RASSF4: variants seen among roughly 807,000 people sequenced by gnomAD.
The protein encoded by RASSF4 is Ras association domain family member 4, also known as ras association domain-containing protein 4.
In RASSF4, 38 loss-of-function variants were observed where a neutral mutation model predicts 41.1. The observed-to-expected ratio is 0.92, with a 90% CI of 0.71 to 1.21. RASSF4 has a LOEUF of 1.21. RASSF4 is among the 50% of genes most tolerant of loss of function. The pLI, the probability that RASSF4 is intolerant of heterozygous loss-of-function variation, is 0.00. For synonymous variants in RASSF4, 179 were observed against 163.4 expected, an observed-to-expected ratio of 1.10 and a Z score of -0.73; for missense variants, 414 against 419.4, an observed-to-expected ratio of 0.99 and a Z score of 0.11.
Position 44,982,633 on chromosome 10 carries a change from C to T in RASSF4, c.251C>T (p.Ser84Leu). ...DREQVHLPST[S>L]WMPRRPSCPL... is the part of the protein sequence containing the mutation. ...GAGCAGGTGCACCTCCCCTCCACCT[C>T]ATGGATGCCCAGACGGCCTAGCTGC... Residue 84 changes from serine (S) to leucine (L), a missense_variant, in exon 4 of 11, where the codon TCA becomes TTA. Physicochemically the swap from Ser to Leu is moderately radical, Grantham distance 145. Transcript: ENST00000340258. 1 of 1,613,450 alleles carries T rather than the reference C, an allele frequency of 6.2e-7. No individual in the cohort carries two copies. The highest frequency in any genetic ancestry group is 8.5e-7 in the Non-Finnish European group (1 of 1,179,604).
intron 3 of RASSF4, among the ~76,000 whole-genome samples, chr10:44,972,354 G>A (rs575516196): frequency 2.0e-5 from 3 of 152,332 alleles, no homozygotes; most frequent in African/African-American, 4.8e-5. Flanking sequence ...AGCAGGCAGC[G>A]CAGGTGTGGG....
At chr10:44,965,191 C>T (rs995711742) in intron 1 of RASSF4, among the ~76,000 whole-genome samples, 2 of 152,176 alleles carry the variant, frequency 1.3e-5, no homozygotes, top group African/African-American at 4.8e-5. Context: ...ACTTATATAC[C>T]ATTTTGAGGT....
intron 3 of RASSF4, chr10:44,977,354 C>G: frequency 1.3e-6 from 2 of 1,518,534 alleles, no homozygotes; most frequent in Non-Finnish European, 8.8e-7. Flanking sequence ...AGATGCAGAC[C>G]CAGCATGCTC....
chr10:44,972,709 C>T (rs1366006798), intron 3 of RASSF4, among the ~76,000 whole-genome samples: 2 of 152,218 alleles, frequency 1.3e-5, no homozygotes, highest in Non-Finnish European at 2.9e-5. Flanking sequence ...TGGTCTAATT[C>T]AACATATTTG....
rs1344135260 is a variant in RASSF4, at chr10:44,985,534, C to G, written c.531+564C>G. 2.6e-5 allele frequency among the ~76,000 whole-genome samples: 4 copies of G among 152,258 alleles called. No homozygotes were observed. In the East Asian group the frequency reaches 7.7e-4, roughly 29 times the overall value. ...TACTGTAAATAGAATGATTGGCTGTCTGGGCAAGGCCCTGGATGGAGCGTC... is the reference window on the plus strand; with the variant it reads ...TACTGTAAATAGAATGATTGGCTGTGTGGGCAAGGCCCTGGATGGAGCGTC... On this transcript the variant is annotated intron_variant, in intron 6 of 10. Coordinates refer to ENST00000340258, the MANE Select transcript of RASSF4 (RefSeq NM_032023.4).
intron 10 of RASSF4, among the ~76,000 whole-genome samples, 165 bp downstream of exon 10, chr10:44,992,167 T>A (rs912815713): frequency 1.3e-5 from 2 of 152,214 alleles, no homozygotes; most frequent in Non-Finnish European, 2.9e-5. Flanking sequence ...TCTGGCCCCC[T>A]GCTCGGTATT....
intron 1 of RASSF4, among the ~76,000 whole-genome samples, chr10:44,969,308 G>T (rs753053971): frequency 6.6e-6 from 1 of 152,050 alleles, no homozygotes; most frequent in Non-Finnish European, 1.5e-5. Flanking sequence ...GGGCAGGAGC[G>T]GCTCCTCAAA....
chr10:44,976,009 TC>T (rs1201943456), intron 3 of RASSF4: 1 of 152,126 alleles, frequency 6.6e-6, no homozygotes, highest in Non-Finnish European at 1.5e-5. Flanking sequence ...GGGTGGGCCC[TC>T]TGGATCTCTC....
At chr10:44,977,530 C>T (rs1841490819) in intron 3 of RASSF4, 9 of 1,613,490 alleles carry the variant, frequency 5.6e-6, no homozygotes, top group Non-Finnish European at 7.6e-6. Context: ...GCTGCCCATC[C>T]TGCGGTGGTC....
chr10:44,978,044 G>A (rs768824459), intron 3 of RASSF4: 1 of 1,596,276 alleles, frequency 6.3e-7, no homozygotes, highest in Admixed American at 1.9e-5. Context: ...TCTGGCGAGA[G>A]GAGGTGGCAA....
At chr10:44,977,808 T>G in intron 3 of RASSF4, 1 of 1,601,280 alleles carries the variant, frequency 6.2e-7, no homozygotes, top group African/African-American at 1.3e-5. Context: ...GGGCGGCCCT[T>G]CCGGCAGGCC....
chr10:44,993,028 G>T (rs1564470439), intron 10 of RASSF4, among the ~76,000 whole-genome samples: 1 of 152,176 alleles, frequency 6.6e-6, no homozygotes, highest in Non-Finnish European at 1.5e-5. Flanking sequence ...GTGTGCTGTT[G>T]TCTGTATTAG....
chr10:44,985,106 A>G, intron 6 of RASSF4, 136 bp downstream of exon 6: 3 of 882,998 alleles, frequency 3.4e-6, no homozygotes, highest in East Asian at 2.5e-5. Context: ...TTGCATCCAC[A>G]TAACAGCCCC....
chr10:44,971,605 CG>C (rs763555953), intron 2 of RASSF4, 167 bp from the exon 3 acceptor site: 1 of 711,368 alleles, frequency 1.4e-6, no homozygotes, highest in African/African-American at 1.7e-5. Context: ...CAGAACCATC[CG>C]GGTGCATTGC....
intron 3 of RASSF4, chr10:44,981,540 G>A (rs1841708211): frequency 6.6e-6 from 1 of 152,254 alleles, no homozygotes; most frequent in African/African-American, 2.4e-5. Context: ...GGCAATGAGA[G>A]AATGATATTC....
At chr10:44,964,683 A>C (rs1439807623) in intron 1 of RASSF4, among the ~76,000 whole-genome samples, 1 of 152,322 alleles carries the variant, frequency 6.6e-6, no homozygotes, top group Non-Finnish European at 1.5e-5. Context: ...CAAAGGCCCC[A>C]CCCAGTGCAC....
chr10:44,962,892 A>T (rs1413994198), intron 1 of RASSF4, among the ~76,000 whole-genome samples: 1 of 152,240 alleles, frequency 6.6e-6, no homozygotes, highest in Non-Finnish European at 1.5e-5. Context: ...GGCAGAAGCC[A>T]GAAGTCTTGC....
At position 44,991,918 on chromosome 10, in the gene RASSF4, T is replaced by A; in HGVS notation, c.821T>A (p.Ile274Asn). The stretch of plus-strand genomic sequence containing the variant: ...TGGATTTTCTAGGTCGCTCAGTACA[T>A]TAAGTTTGAAATGCCGGTGCTGGAC... ...VEVPHEVAQY[I>N]KFEMPVLDSF... Residue 274 changes from isoleucine (I) to asparagine (N), a missense_variant, in exon 10 of 11, where the codon ATT (isoleucine) becomes AAT (asparagine). Ile to Asn is a moderately radical substitution (Grantham distance 149, BLOSUM62 -3). Transcript: ENST00000340258. 1 of 1,612,088 alleles carries A rather than the reference T, an allele frequency of 6.2e-7. No homozygotes were observed. Among genetic ancestry groups the A allele is most frequent in the Non-Finnish European group, 8.5e-7 (1 of 1,178,222 alleles).
intron 3 of RASSF4, among the ~76,000 whole-genome samples, chr10:44,980,726 T>A (rs1231935149): frequency 6.6e-6 from 1 of 152,180 alleles, no homozygotes; most frequent in Non-Finnish European, 1.5e-5. Context: ...CTGCTCCATC[T>A]TCCTCTGCCT....
Sources: allele counts gnomAD v4.1 joint callset (sites outside exome capture counted in the v4.1 genomes callset), GRCh38; gene constraint gnomAD v4.1.1; transcripts MANE v1.5; gene names NCBI Gene and HGNC (gene_info 2026-07-23, HGNC 2026-07-21).